Variants in XKR5 observed in about 807,000 individuals in gnomAD.
XKR5 encodes the protein XK-related protein 5.
XKR5 carries 46 observed loss-of-function variants against 40.8 expected under a neutral mutation model. The observed-to-expected ratio is 1.13, with a 90% CI of 0.89 to 1.44. The LOEUF (loss-of-function observed/expected upper bound fraction) is 1.44, where lower values mean the gene tolerates loss of function less well. XKR5 is among the 40% of genes most tolerant of loss of function. XKR5 has a pLI of 0.00. For missense variants in XKR5, 1,169 were observed against 844.7 expected (o/e 1.38, Z -4.76); for synonymous variants, 466 against 356.1 (o/e 1.31, Z -3.48).
rs771100725 is a variant in XKR5 at position 6,815,804 on chromosome 8, T to C, written c.919+3A>G. 1 of 1,590,762 alleles carries C rather than the reference T, an allele frequency of 6.3e-7. No homozygotes were observed. Among genetic ancestry groups the C allele is most frequent in the East Asian group, 2.3e-5 (1 of 43,934 alleles). Reference sequence around the variant, plus strand: ...CAGAGAAGAAGGTGACATTGGGACTTACCAATCAGAAATCCAGACAGGACC... The same window carrying C: ...CAGAGAAGAAGGTGACATTGGGACTCACCAATCAGAAATCCAGACAGGACC... On this transcript the variant is annotated splice_donor_region_variant and intron_variant, in intron 6 of 6. Transcript: ENST00000618742.
intron 3 of XKR5, 99 bp downstream of exon 3, chr8:6,825,066 C>T: frequency 2.1e-6 from 3 of 1,439,336 alleles, no homozygotes; most frequent in Non-Finnish European, 2.9e-6. Context: ...TGCTCCTAAG[C>T]AGAGGAAATC....
chr8:6,829,296 G>A (rs533060585), intron 2 of XKR5: 1 of 169,264 alleles, frequency 5.9e-6, no homozygotes, highest in South Asian at 2.0e-4. Context: ...ATTTACAAGT[G>A]GATTTGTGGG....
intron 4 of XKR5, among the ~76,000 whole-genome samples, chr8:6,823,083 G>T (rs571092785): frequency 1.6e-4 from 24 of 152,278 alleles, no homozygotes; most frequent in African/African-American, 5.5e-4. Flanking sequence ...TGAGGGCTGG[G>T]ATGTCTAAGC....
At position 6,811,205 on chromosome 8, in the gene XKR5, A is replaced by G; in HGVS notation, c.2054T>C (p.Phe685Ser). 6.5e-7 allele frequency: 1 copy of G among 1,534,632 alleles called. No homozygotes were observed. Among genetic ancestry groups the G allele is most frequent in the Non-Finnish European group, 8.7e-7 (1 of 1,144,946 alleles). Residue 685 changes from phenylalanine (F) to serine (S), a missense_variant, in exon 7 of 7, where the codon TTC becomes TCC. Phe to Ser is a radical substitution (Grantham distance 155, BLOSUM62 -2). Transcript: ENST00000618742. ...REQMKQEPSFFI is the reference protein window; with the variant it reads ...REQMKQEPSFSI Reference sequence around the variant, plus strand: ...ATCCCACCATGACTGTGGTCAGATGAAAAAACTCGGCTCTTGCTTCATCTG... The same window carrying G: ...ATCCCACCATGACTGTGGTCAGATGGAAAAACTCGGCTCTTGCTTCATCTG...
chr8:6,824,598 A>G (rs1804377160), intron 3 of XKR5, among the ~76,000 whole-genome samples: 3 of 152,180 alleles, frequency 2.0e-5, no homozygotes, highest in Admixed American at 2.0e-4. Context: ...TGATGCAATC[A>G]TGACTCACTG....
At chr8:6,817,577 C>T (rs114524782) in intron 5 of XKR5, among the ~76,000 whole-genome samples, 229 of 152,120 alleles carry the variant, frequency 1.5e-3, no homozygotes, top group African/African-American at 5.2e-3. Context: ...CGATGCTGAC[C>T]TCAGTCTCCT....
chr8:6,832,548 T>A lies in XKR5; in HGVS notation c.242+169A>T, dbSNP rs535027568. Reference sequence around the variant, plus strand: ...TGGAGATGCTCAAAAAAGTGCAGGCTGGACCCGGGCATGCCAATATCAGAG... The same window carrying A: ...TGGAGATGCTCAAAAAAGTGCAGGCAGGACCCGGGCATGCCAATATCAGAG... On this transcript the variant is annotated intron_variant, in intron 2 of 6. Coordinates refer to ENST00000618742, the MANE Select transcript of XKR5 (RefSeq NM_207411.5). 4.3e-4 allele frequency among the ~76,000 whole-genome samples: 66 copies of A among 151,816 alleles called. 1 individual carries two copies. The highest frequency in any genetic ancestry group is 1.5e-3 in the African/African-American group (61 of 41,060).
chr8:6,818,911 A>T (rs987460320), intron 5 of XKR5, among the ~76,000 whole-genome samples: 1 of 152,172 alleles, frequency 6.6e-6, no homozygotes, highest in Non-Finnish European at 1.5e-5. Context: ...GTATGGTGGT[A>T]TGCACCCGTG....
At chr8:6,814,947 C>T (rs905323519) in intron 6 of XKR5, among the ~76,000 whole-genome samples, 1 of 152,204 alleles carries the variant, frequency 6.6e-6, no homozygotes, top group Admixed American at 6.5e-5. Context: ...GAAAAGAACC[C>T]GAGGCCACTT....
At chr8:6,824,037 G>A (rs28651316) in intron 3 of XKR5, among the ~76,000 whole-genome samples, 2,151 of 152,200 alleles carry the variant, frequency 0.014, 48 homozygotes, top group African/African-American at 0.049. Flanking sequence ...TAAGAAAAAC[G>A]TCCCAGCTCC....
intron 2 of XKR5, among the ~76,000 whole-genome samples, chr8:6,827,935 G>A (rs1025611248): frequency 5.3e-5 from 8 of 152,140 alleles, no homozygotes; most frequent in African/African-American, 1.9e-4. Flanking sequence ...TGGGATAGTG[G>A]TGGGTGCCTG....
intron 3 of XKR5, 105 bp from the exon 4 acceptor site, chr8:6,823,835 T>G: frequency 1.3e-5 from 13 of 980,850 alleles, no homozygotes; most frequent in Non-Finnish European, 2.0e-5. Context: ...TGTAACCTCT[T>G]GTTAAAGCCT....
intron 6 of XKR5, among the ~76,000 whole-genome samples, chr8:6,813,002 C>T (rs1005198942): frequency 4.6e-5 from 7 of 152,220 alleles, no homozygotes; most frequent in African/African-American, 1.7e-4. Flanking sequence ...AAGCCTCCCA[C>T]GTTATTTCCA....
rs1489407293 is a variant in XKR5, at chr8:6,823,549, G to A, written c.609C>T (p.Ala203=). Residue 203 remains alanine, a synonymous_variant, in exon 4 of 7, where the codon GCC becomes GCT. Coordinates refer to ENST00000618742, the MANE Select transcript of XKR5 (RefSeq NM_207411.5). ...RVLSLVLFYK[A]YHFWVFVVAG... ...CAACCACAAAAACCCAAAAGTGGTAGGCTTTGTAGAACAGAACCAGACTCA... is the reference window on the plus strand; with the variant it reads ...CAACCACAAAAACCCAAAAGTGGTAAGCTTTGTAGAACAGAACCAGACTCA... The A allele has an allele frequency of 6.3e-7, 1 of 1,593,750 alleles. No individual in the cohort carries two copies. The highest frequency in any genetic ancestry group is 1.8e-5 in the Admixed American group (1 of 56,868).
At chr8:6,813,951 A>G (rs1295871358) in intron 6 of XKR5, among the ~76,000 whole-genome samples, 9 of 152,184 alleles carry the variant, frequency 5.9e-5, no homozygotes, top group Admixed American at 3.3e-4. Flanking sequence ...CTCCCACCAC[A>G]CTGCCCCCAG....
chr8:6,822,612 C>T (rs559723948), intron 4 of XKR5, among the ~76,000 whole-genome samples: 1 of 151,986 alleles, frequency 6.6e-6, no homozygotes, highest in Non-Finnish European at 1.5e-5. Flanking sequence ...TGCTCTAGGC[C>T]CAAGGGGCAA....
chr8:6,817,949 A>T (rs190059030), intron 5 of XKR5, among the ~76,000 whole-genome samples: 1 of 152,096 alleles, frequency 6.6e-6, no homozygotes, highest in East Asian at 1.9e-4. Flanking sequence ...TTACGATCCC[A>T]CTTTCCTGCT....
At position 6,823,633 on chromosome 8, in the gene XKR5, T is replaced by C. The variant is rs539008683; in HGVS notation, c.525A>G (p.Pro175=). 5 of 1,593,902 alleles carry C rather than the reference T, an allele frequency of 3.1e-6. No individual in the cohort carries two copies. The East Asian group carries it at 9.1e-5, about 29-fold the overall frequency. ...GFMKPGHLAM[P]WAALFCQQLW... ...GCTGCTGGCAGAAGAGGGCGGCCCA[T>C]GGCATGGCCAGGTGGCCTGGCTTCA... The change falls in exon 4 of 7, where the codon CCA becomes CCG. Residue 175 remains proline, a synonymous_variant. Transcript: ENST00000618742.
Position 6,811,235 on chromosome 8 carries a change from CT to C in XKR5, c.2023del (p.Arg675GlyfsTer4). On this transcript the variant is annotated frameshift_variant, in exon 7 of 7. Transcript: ENST00000618742. LOFTEE classifies it low-confidence loss of function (END_TRUNC). ...SESIQTDCSCREQMKQEPSFF... is the reference protein window; with the variant it reads ...SESIQTDCSCXEQMKQEPSFF... ...ACTCGGCTCTTGCTTCATCTGTTCC[CT>C]GCAGCTGCAGTCCGTTTGGATAGAC... 2.6e-6 allele frequency: 4 copies of C among 1,537,276 alleles called. No homozygotes were observed. The highest frequency in any genetic ancestry group is 3.5e-6 in the Non-Finnish European group (4 of 1,146,900).
Sources: allele counts gnomAD v4.1 joint callset (sites outside exome capture counted in the v4.1 genomes callset), GRCh38; gene constraint gnomAD v4.1.1; transcripts MANE v1.5; gene names NCBI Gene and HGNC (gene_info 2026-07-23, HGNC 2026-07-21).